PDE3A: variants seen among roughly 807,000 people sequenced by gnomAD.
PDE3A encodes cGMP-inhibited 3',5'-cyclic phosphodiesterase 3A.
A neutral mutation model predicts 98.3 loss-of-function variants in PDE3A; 43 were observed. The ratio of observed to expected loss-of-function variants is 0.44; its 90% CI spans 0.34 to 0.56. PDE3A has a LOEUF of 0.56. Among genes scored for constraint, PDE3A ranks in the 20% least tolerant of loss-of-function variants. The pLI, the probability that PDE3A is intolerant of heterozygous loss-of-function variation, is 0.01. For missense variants in PDE3A, 1,427 were observed against 1,440.7 expected, an observed-to-expected ratio of 0.99 and a Z score of 0.15; for synonymous variants, 663 against 567.9, an observed-to-expected ratio of 1.17 and a Z score of -2.38.
chr12:20,478,561 G>C (rs1175291241), intron 1 of PDE3A, among the ~76,000 whole-genome samples: 2 of 152,052 alleles, frequency 1.3e-5, no homozygotes, highest in Admixed American at 1.3e-4. Flanking sequence ...ATTCAATAAA[G>C]ACTCAATAAA....
intron 1 of PDE3A, among the ~76,000 whole-genome samples, chr12:20,470,193 T>C (rs983896921): frequency 5.9e-5 from 9 of 152,196 alleles, no homozygotes; most frequent in African/African-American, 2.2e-4. Flanking sequence ...TTTTTGTTTT[T>C]AGTATACCAG....
chr12:20,389,230 G>T (rs897282752), intron 1 of PDE3A, among the ~76,000 whole-genome samples: 1 of 151,950 alleles, frequency 6.6e-6, no homozygotes, highest in Admixed American at 6.6e-5. Flanking sequence ...CTCTTTCTGT[G>T]TGTGTGAGGA....
intron 4 of PDE3A, among the ~76,000 whole-genome samples, chr12:20,618,024 TTCATTC>T (rs1944046648): frequency 6.6e-6 from 1 of 152,162 alleles, no homozygotes; most frequent in African/African-American, 2.4e-5. Flanking sequence ...TACAATTCCA[TTCATTC>T]TCATTCTCTC....
intron 1 of PDE3A, among the ~76,000 whole-genome samples, chr12:20,405,227 T>G (rs951845034): frequency 1.3e-5 from 2 of 152,170 alleles, no homozygotes; most frequent in African/African-American, 4.8e-5. Flanking sequence ...CATTCTATTA[T>G]GGGTGTCTAC....
intron 1 of PDE3A, among the ~76,000 whole-genome samples, chr12:20,555,453 G>A (rs1942346012): frequency 6.6e-6 from 1 of 152,132 alleles, no homozygotes; most frequent in South Asian, 2.1e-4. Context: ...TGTGTTTGGT[G>A]AAATCACCGA....
At chr12:20,408,581 T>G (rs1257611328) in intron 1 of PDE3A, among the ~76,000 whole-genome samples, 1 of 152,180 alleles carries the variant, frequency 6.6e-6, no homozygotes, top group Non-Finnish European at 1.5e-5. Context: ...CATTTTTATT[T>G]CAAAGATTAA....
intron 1 of PDE3A, among the ~76,000 whole-genome samples, chr12:20,470,209 T>C (rs1353099056): frequency 6.6e-6 from 1 of 152,202 alleles, no homozygotes; most frequent in Non-Finnish European, 1.5e-5. Flanking sequence ...ACCAGAACTT[T>C]GTCTTAAGAA....
At chr12:20,393,847 G>C (rs1178410107) in intron 1 of PDE3A, among the ~76,000 whole-genome samples, 1 of 151,944 alleles carries the variant, frequency 6.6e-6, no homozygotes, top group Non-Finnish European at 1.5e-5. Flanking sequence ...CACATGGTAG[G>C]CTTTTTCAAA....
rs146613489 is a variant in PDE3A, at chr12:20,492,069, C to G, written c.961-64591C>G. ...GATCTCAGCTCACTGCAACCTCCAT[C>G]TCCCACGTTGAAGCTATTCTTATGC... On this transcript the variant is annotated intron_variant, in intron 1 of 15. Coordinates refer to ENST00000359062, the MANE Select transcript of PDE3A (RefSeq NM_000921.5). 3.9e-4 allele frequency among the ~76,000 whole-genome samples: 59 copies of G among 152,198 alleles called. No homozygotes were observed. In the East Asian group the frequency reaches 0.011, roughly 29 times the overall value.
intron 2 of PDE3A, among the ~76,000 whole-genome samples, chr12:20,593,795 G>A (rs1943398779): frequency 6.6e-6 from 1 of 152,168 alleles, no homozygotes; most frequent in Admixed American, 6.6e-5. Context: ...CTGTCCAGAA[G>A]CTCGAAGGAG....
At chr12:20,657,738 T>C (rs887637230) in intron 15 of PDE3A, among the ~76,000 whole-genome samples, 1 of 152,204 alleles carries the variant, frequency 6.6e-6, no homozygotes, top group Non-Finnish European at 1.5e-5. Flanking sequence ...CAAACTTTCT[T>C]CTACGTCACC....
chr12:20,457,870 A>T (rs1945178752), intron 1 of PDE3A, among the ~76,000 whole-genome samples: 2 of 152,062 alleles, frequency 1.3e-5, no homozygotes, highest in African/African-American at 2.4e-5. Context: ...TAGAAAGGTT[A>T]TTTCCCTAAA....
chr12:20,506,645 G>T (rs1003995377), intron 1 of PDE3A, among the ~76,000 whole-genome samples: 5 of 151,950 alleles, frequency 3.3e-5, no homozygotes, highest in African/African-American at 9.7e-5. Context: ...CTTCAGAAAT[G>T]ATATTTGATA....
rs989268270 is a variant in PDE3A, at chr12:20,369,123, C to T, written c.-162C>T. The T allele has an allele frequency of 2.1e-4, 116 of 560,244 alleles. No individual in the cohort carries two copies. The highest frequency in any genetic ancestry group is 3.1e-4 in the Non-Finnish European group (101 of 321,496). 34.7% of individuals were successfully genotyped at this position (560,244 alleles called of 1,614,324 possible). On this transcript the variant is annotated 5_prime_UTR_variant, in exon 1 of 16. Coordinates refer to ENST00000359062, the MANE Select transcript of PDE3A (RefSeq NM_000921.5). ...TCCAGGAGTTATTCGAAAGCTGAAA[C>T]TTTCAGTGGATTGTGGGCCTGGGGA...
chr12:20,395,526 AC>A (rs1943997355), intron 1 of PDE3A, among the ~76,000 whole-genome samples: 1 of 146,742 alleles, frequency 6.8e-6, no homozygotes, highest in South Asian at 2.1e-4. Context: ...CTATGTGTAC[AC>A]ATAGTATAAT....
chr12:20,522,647 G>A (rs1946450787), intron 1 of PDE3A, among the ~76,000 whole-genome samples: 1 of 152,222 alleles, frequency 6.6e-6, no homozygotes, highest in South Asian at 2.1e-4. Context: ...TTGAGGCACG[G>A]TTGGAATTGT....
At chr12:20,621,197 T>C in intron 4 of PDE3A, 99 bp from the exon 5 acceptor site, 1 of 688,418 alleles carries the variant, frequency 1.5e-6, no homozygotes, top group South Asian at 1.7e-5. Context: ...TTGGCAAATC[T>C]ATTAGAGAAA....
At chr12:20,394,620 C>G (rs1288392865) in intron 1 of PDE3A, among the ~76,000 whole-genome samples, 1 of 152,152 alleles carries the variant, frequency 6.6e-6, no homozygotes, top group Middle Eastern at 3.4e-3. Flanking sequence ...ACATATTCTT[C>G]TCAAAGTACT....
At chr12:20,613,034 A>G (rs1943907890) in intron 2 of PDE3A, among the ~76,000 whole-genome samples, 2 of 152,124 alleles carry the variant, frequency 1.3e-5, no homozygotes, top group South Asian at 4.1e-4. Context: ...ACATTAAAAT[A>G]TTACTAAAAA....
Sources: gnomAD v4.1 joint callset for allele counts (sites outside exome capture counted in the v4.1 genomes callset) on GRCh38, gnomAD v4.1.1 for gene constraint, MANE v1.5 for transcripts, NCBI Gene and HGNC (gene_info 2026-07-23, HGNC 2026-07-21) for gene names.